The following GULP1 variants were observed in gnomAD, a reference collection of about 807,000 sequenced individuals.
GULP1 encodes the protein GULP PTB domain containing engulfment adaptor 1, also known as PTB domain-containing engulfment adapter protein 1.
Under a neutral mutation model 40.9 loss-of-function variants are expected in GULP1, and 19 were observed. The ratio of observed to expected loss-of-function variants is 0.46; its 90% CI spans 0.32 to 0.68. GULP1 has a LOEUF of 0.68. Ranked by LOEUF, GULP1 falls within the 30% of genes least tolerant of loss-of-function variation. The pLI is 0.03. For synonymous variants in GULP1, 119 were observed against 117.6 expected, an observed-to-expected ratio of 1.01 and a Z score of -0.08; for missense variants, 312 against 362.2, an observed-to-expected ratio of 0.86 and a Z score of 1.12.
intron 1 of GULP1, among the ~76,000 whole-genome samples, chr2:188,298,441 C>A (rs1360661321): frequency 6.6e-6 from 1 of 151,882 alleles, no homozygotes; most frequent in Non-Finnish European, 1.5e-5. Context: ...TTTGAGTAAA[C>A]AAATTTTATT....
intron 4 of GULP1, among the ~76,000 whole-genome samples, chr2:188,494,230 G>T (rs1553569204): frequency 6.6e-6 from 1 of 151,930 alleles, no homozygotes; most frequent in Non-Finnish European, 1.5e-5. Flanking sequence ...GCTGTGACCA[G>T]TGTTCCCCTC....
At chr2:188,464,345 A>G (rs759161071) in intron 2 of GULP1, among the ~76,000 whole-genome samples, 23 of 152,084 alleles carry the variant, frequency 1.5e-4, no homozygotes, top group Non-Finnish European at 2.4e-4. Flanking sequence ...CTCTTCCCTT[A>G]CTTTCTCTCA....
intron 1 of GULP1, among the ~76,000 whole-genome samples, chr2:188,343,907 A>G (rs1574569377): frequency 6.6e-6 from 1 of 152,254 alleles, no homozygotes; most frequent in South Asian, 2.1e-4. Context: ...GGTTCAAGCA[A>G]TTCTCCTGCC....
At chr2:188,344,308 A>G (rs929254797) in intron 1 of GULP1, among the ~76,000 whole-genome samples, 12 of 152,314 alleles carry the variant, frequency 7.9e-5, no homozygotes, top group Non-Finnish European at 1.3e-4. Flanking sequence ...TCTAGTACCT[A>G]TGAGTGTGCA....
chr2:188,454,142 C>T (rs540110957), intron 2 of GULP1, among the ~76,000 whole-genome samples: 226 of 152,192 alleles, frequency 1.5e-3, no homozygotes, highest in Admixed American at 2.4e-3. Flanking sequence ...TGCTCCCAAG[C>T]TCTTGTCCTA....
chr2:188,432,869 A>G (rs911367596), intron 2 of GULP1, among the ~76,000 whole-genome samples: 3 of 152,178 alleles, frequency 2.0e-5, no homozygotes, highest in African/African-American at 4.8e-5. Flanking sequence ...ATGTCCCTAC[A>G]CATAAACATA....
At chr2:188,406,716 G>A (rs894392883) in intron 2 of GULP1, among the ~76,000 whole-genome samples, 2 of 151,874 alleles carry the variant, frequency 1.3e-5, no homozygotes, top group Non-Finnish European at 2.9e-5. Context: ...AATATTACAA[G>A]ACTTATGGGA....
chr2:188,295,982 A>T (rs970376194), intron 1 of GULP1, among the ~76,000 whole-genome samples: 4 of 152,070 alleles, frequency 2.6e-5, no homozygotes, highest in Non-Finnish European at 5.9e-5. Flanking sequence ...TCAATTCGCG[A>T]TATTGCAATT....
chr2:188,559,646 C>T (rs556020665), intron 7 of GULP1, among the ~76,000 whole-genome samples: 1 of 152,260 alleles, frequency 6.6e-6, no homozygotes, highest in African/African-American at 2.4e-5. Flanking sequence ...TAATGCTTAA[C>T]TGAGTTAAGG....
chr2:188,294,062 A>G (rs1466645872), intron 1 of GULP1: 1 of 152,252 alleles, frequency 6.6e-6, no homozygotes, highest in South Asian at 2.1e-4. Flanking sequence ...TCAGTGTTGC[A>G]GTGGAATAGC....
intron 1 of GULP1, among the ~76,000 whole-genome samples, chr2:188,355,521 A>G (rs190800107): frequency 3.2e-4 from 49 of 152,128 alleles, no homozygotes; most frequent in Non-Finnish European, 2.9e-4. Context: ...TGATGTGATT[A>G]AAATCATAAT....
At chr2:188,463,512 G>A (rs1473720940) in intron 2 of GULP1, among the ~76,000 whole-genome samples, 1 of 151,928 alleles carries the variant, frequency 6.6e-6, no homozygotes, top group Non-Finnish European at 1.5e-5. Context: ...GATCTCCTTG[G>A]TGTTCTATAA....
At chr2:188,431,654 A>G (rs1035165945) in intron 2 of GULP1, among the ~76,000 whole-genome samples, 6 of 152,076 alleles carry the variant, frequency 3.9e-5, no homozygotes, top group Admixed American at 1.3e-4. Flanking sequence ...CACGTAGAAA[A>G]TATCTTTTAT....
chr2:188,538,175 T>A (rs986806840), intron 6 of GULP1, among the ~76,000 whole-genome samples: 1 of 152,064 alleles, frequency 6.6e-6, no homozygotes, highest in African/African-American at 2.4e-5. Flanking sequence ...TTTTTTTCTC[T>A]CAATTTCATT....
At chr2:188,473,158 TCTC>T (rs2060733458) in intron 2 of GULP1, among the ~76,000 whole-genome samples, 1 of 148,398 alleles carries the variant, frequency 6.7e-6, no homozygotes, top group African/African-American at 2.4e-5. Flanking sequence ...TCTCTCTTTC[TCTC>T]TCTCTCTCTC....
At chr2:188,297,521 A>G (rs770120005) in intron 1 of GULP1, 3 of 480,612 alleles carry the variant, frequency 6.2e-6, no homozygotes, top group East Asian at 6.2e-5. Flanking sequence ...AGGAACATCA[A>G]GGATCTTAAA....
At chr2:188,474,082 G>A (rs1348928312) in intron 2 of GULP1, among the ~76,000 whole-genome samples, 3 of 152,164 alleles carry the variant, frequency 2.0e-5, no homozygotes, top group Non-Finnish European at 4.4e-5. Context: ...TTGTATTGGA[G>A]CTAGAGCCTG....
At chr2:188,345,257 T>A (rs1444302150) in intron 1 of GULP1, among the ~76,000 whole-genome samples, 2 of 152,232 alleles carry the variant, frequency 1.3e-5, no homozygotes, top group East Asian at 3.9e-4. Flanking sequence ...CCTAAGCGTT[T>A]TGCACTATCT....
chr2:188,461,589 C>G (rs2059711830), intron 2 of GULP1, among the ~76,000 whole-genome samples: 1 of 151,932 alleles, frequency 6.6e-6, no homozygotes, highest in African/African-American at 2.4e-5. Flanking sequence ...ATAGGCTGAA[C>G]CACCGTGACT....
Sources: allele counts gnomAD v4.1 joint callset (sites outside exome capture counted in the v4.1 genomes callset), GRCh38; gene constraint gnomAD v4.1.1; transcripts MANE v1.5; gene names NCBI Gene and HGNC (gene_info 2026-07-23, HGNC 2026-07-21).